Variants in XYLT1 observed in about 807,000 individuals in gnomAD.
XYLT1 encodes xylosyltransferase 1.
XYLT1 carries 36 observed loss-of-function variants against 91.3 expected under a neutral mutation model. The observed-to-expected ratio is 0.39, with a 90% confidence interval of 0.30 to 0.52. The LOEUF (loss-of-function observed/expected upper bound fraction) is 0.52, where lower values mean the gene tolerates loss of function less well. XYLT1 is among the 20% of genes least tolerant of loss of function. XYLT1 has a pLI of 0.68. For missense variants in XYLT1, 1,242 were observed against 1,284.5 expected (o/e 0.97, Z 0.51); for synonymous variants, 588 against 532.0 (o/e 1.11, Z -1.45).
At chr16:17,265,199 C>T (rs1172512158) in intron 2 of XYLT1, among the ~76,000 whole-genome samples, 1 of 152,028 alleles carries the variant, frequency 6.6e-6, no homozygotes, top group Non-Finnish European at 1.5e-5. Context: ...AACAAACAAA[C>T]AACACCTCAC....
chr16:17,245,417 C>T (rs999814408), intron 3 of XYLT1, among the ~76,000 whole-genome samples: 2 of 152,162 alleles, frequency 1.3e-5, no homozygotes, highest in African/African-American at 4.8e-5. Flanking sequence ...CTTTGTGGCT[C>T]AGCTCGATTC....
At chr16:17,138,675 G>C (rs2030862307) in intron 7 of XYLT1, 144 bp from the exon 8 acceptor site, 2 of 928,500 alleles carry the variant, frequency 2.2e-6, no homozygotes, top group South Asian at 3.5e-5. Context: ...AAGCTGGGCG[G>C]CTTCCTGTAC....
At chr16:17,115,582 G>A (rs994989072) in intron 11 of XYLT1, among the ~76,000 whole-genome samples, 7 of 150,810 alleles carry the variant, frequency 4.6e-5, no homozygotes, top group African/African-American at 1.7e-4. Context: ...AGGTTCAAAC[G>A]ATTCTCGTGC....
chr16:17,261,797 GA>G (rs2141761374), intron 2 of XYLT1, among the ~76,000 whole-genome samples: 1 of 152,160 alleles, frequency 6.6e-6, no homozygotes, highest in Non-Finnish European at 1.5e-5. Context: ...AAAGAACCAA[GA>G]AAAAAACAGC....
chr16:17,179,758 TTTTA>T (rs1263829975), intron 5 of XYLT1, among the ~76,000 whole-genome samples: 2 of 152,224 alleles, frequency 1.3e-5, no homozygotes, highest in East Asian at 3.9e-4. Flanking sequence ...TCAACTTTCA[TTTTA>T]TTTATTTATT....
chr16:17,425,118 G>A (rs148789524), intron 1 of XYLT1, among the ~76,000 whole-genome samples: 1 of 152,174 alleles, frequency 6.6e-6, no homozygotes, highest in Non-Finnish European at 1.5e-5. Flanking sequence ...CACCAGGGTG[G>A]TAAGGAGGAA....
intron 4 of XYLT1, among the ~76,000 whole-genome samples, chr16:17,198,716 CTTATT>C (rs1307983303): frequency 3.3e-5 from 5 of 152,164 alleles, no homozygotes; most frequent in South Asian, 2.1e-4. Context: ...AAAATTTTAT[CTTATT>C]TTATTTTATT....
In XYLT1 at chr16:17,138,405, A is replaced by G; in HGVS notation, c.1714T>C (p.Cys572Arg). The change falls in exon 8 of 12, where the codon TGC becomes CGC. Residue 572 changes from cysteine (C) to arginine (R), a missense_variant. Cys to Arg is a radical substitution (Grantham distance 180, BLOSUM62 -3). Coordinates refer to ENST00000261381, the MANE Select transcript of XYLT1 (RefSeq NM_022166.4). ...KCQYKHIVDWCGCSPNDFKPQ... is the reference protein window; with the variant it reads ...KCQYKHIVDWRGCSPNDFKPQ... ...TTGAAGTCATTGGGGGAGCAGCCGC[A>G]CCAGTCCACGATGTGCTTGTACTGG... 1 of 1,614,076 alleles carries G rather than the reference A, an allele frequency of 6.2e-7. No individual in the cohort carries two copies. Among genetic ancestry groups the G allele is most frequent in the Non-Finnish European group, 8.5e-7 (1 of 1,180,012 alleles).
intron 1 of XYLT1, among the ~76,000 whole-genome samples, chr16:17,467,735 C>T (rs2036918281): frequency 6.6e-6 from 1 of 152,172 alleles, no homozygotes; most frequent in Admixed American, 6.5e-5. Flanking sequence ...GGAGGAAGAT[C>T]TGGCTTAGGA....
chr16:17,452,457 CTTTTA>C (rs2036679619), intron 1 of XYLT1, among the ~76,000 whole-genome samples: 3 of 151,770 alleles, frequency 2.0e-5, no homozygotes, highest in African/African-American at 7.3e-5. Context: ...TTTTAATGGA[CTTTTA>C]TTTTAATTAT....
In XYLT1 at chr16:17,112,508, G is replaced by A. The variant is rs150977567; in HGVS notation, c.2558-3491C>T. ...ATGGCCCCCAGGCTACTCCACTGGC[G>A]TGGGGGTGTGTTCAGGAGCACTGCT... On this transcript the variant is annotated intron_variant, in intron 11 of 11. Coordinates refer to ENST00000261381, the MANE Select transcript of XYLT1 (RefSeq NM_022166.4). Among the ~76,000 whole-genome samples, 123 of 152,214 alleles carry A rather than the reference G, an allele frequency of 8.1e-4. 1 individual carries two copies. Among genetic ancestry groups the A allele is most frequent in the African/African-American group, 2.8e-3 (117 of 41,530 alleles).
chr16:17,151,145 G>T (rs2031273008), intron 6 of XYLT1, among the ~76,000 whole-genome samples: 1 of 152,204 alleles, frequency 6.6e-6, no homozygotes, highest in African/African-American at 2.4e-5. Context: ...CTGACTTCAG[G>T]CTGGGCGTGG....
intron 2 of XYLT1, among the ~76,000 whole-genome samples, chr16:17,337,252 G>A (rs2034993785): frequency 6.6e-6 from 1 of 151,948 alleles, no homozygotes; most frequent in South Asian, 2.1e-4. Flanking sequence ...CAGTGGTGCA[G>A]TCATGGCTCA....
chr16:17,361,175 T>C (rs1378552496), intron 1 of XYLT1, among the ~76,000 whole-genome samples: 1 of 152,186 alleles, frequency 6.6e-6, no homozygotes, highest in Non-Finnish European at 1.5e-5. Flanking sequence ...AAGCTTGAAA[T>C]ATGCTTAGGT....
chr16:17,426,808 T>C (rs1054517257), intron 1 of XYLT1, among the ~76,000 whole-genome samples: 1 of 152,124 alleles, frequency 6.6e-6, no homozygotes, highest in Non-Finnish European at 1.5e-5. Context: ...CACAGACCTC[T>C]CATATGACTA....
chr16:17,418,211 C>T (rs2036204098), intron 1 of XYLT1, among the ~76,000 whole-genome samples: 1 of 152,212 alleles, frequency 6.6e-6, no homozygotes, highest in Non-Finnish European at 1.5e-5. Flanking sequence ...TAAGATCCAG[C>T]ATAATGAACA....
intron 11 of XYLT1, among the ~76,000 whole-genome samples, chr16:17,110,508 C>G (rs959166031): frequency 2.6e-5 from 4 of 152,094 alleles, no homozygotes; most frequent in African/African-American, 7.3e-5. Context: ...CTTTGCTTCT[C>G]CTTTGCCTTC....
At chr16:17,352,957 A>C (rs2035242031) in intron 2 of XYLT1, among the ~76,000 whole-genome samples, 1 of 152,146 alleles carries the variant, frequency 6.6e-6, no homozygotes, top group Non-Finnish European at 1.5e-5. Flanking sequence ...CATAGATACA[A>C]TTTCTCAAGT....
intron 9 of XYLT1, among the ~76,000 whole-genome samples, chr16:17,132,813 G>C (rs191708510): frequency 9.2e-5 from 14 of 152,162 alleles, no homozygotes; most frequent in African/African-American, 3.4e-4. Flanking sequence ...TGAGGCAGAA[G>C]AATCGCTTGA....
Sources: allele counts gnomAD v4.1 joint callset (sites outside exome capture counted in the v4.1 genomes callset), GRCh38; gene constraint gnomAD v4.1.1; transcripts MANE v1.5; gene names NCBI Gene and HGNC (gene_info 2026-07-23, HGNC 2026-07-21).